The following ZZEF1 variants were observed in gnomAD, a reference collection of about 807,000 sequenced individuals.
ZZEF1 encodes zinc finger ZZ-type and EF-hand domain-containing protein 1.
A neutral mutation model predicts 342.8 loss-of-function variants in ZZEF1; 157 were observed. The observed-to-expected ratio is 0.46, with a 90% CI of 0.40 to 0.52. The LOEUF is 0.52. Ranked by LOEUF, ZZEF1 falls within the 20% of genes least tolerant of loss-of-function variation. The probability of loss-of-function intolerance (pLI) is 0.00; values close to 1 mark genes in which losing one functional copy is unlikely to be tolerated. For missense variants in ZZEF1, 3,480 were observed against 3,725.6 expected (o/e 0.93, Z 1.72); for synonymous variants, 1,505 against 1,429.1 (o/e 1.05, Z -1.20).
At chr17:4,047,121 G>C (rs1017764002) in intron 37 of ZZEF1, among the ~76,000 whole-genome samples, 1 of 152,142 alleles carries the variant, frequency 6.6e-6, no homozygotes, top group African/African-American at 2.4e-5. Flanking sequence ...TGGGTGGGAA[G>C]GGGACTCAAA....
chr17:4,120,858 C>T (rs962838153), intron 2 of ZZEF1, among the ~76,000 whole-genome samples: 1 of 152,152 alleles, frequency 6.6e-6, no homozygotes, highest in African/African-American at 2.4e-5. Flanking sequence ...TTAATTTAGC[C>T]TTCAGTAAAT....
rs1597852108 is a variant in ZZEF1 at position 4,074,343 on chromosome 17, G to A, written c.3492C>T (p.Thr1164=). The A allele has an allele frequency of 1.9e-6, 3 of 1,614,176 alleles. No homozygotes were observed. The highest frequency in any genetic ancestry group is 2.5e-6 in the Non-Finnish European group (3 of 1,180,040). ...VGTDKWPKKV[T]FKAGPRLQFL... The stretch of plus-strand genomic sequence containing the variant: ...ACTGCAACCGAGGACCGGCCTTGAA[G>A]GTCACTTTCTAGAGACAAACAGAAA... Residue 1164 remains threonine, a synonymous_variant, in exon 24 of 55, where the codon ACC becomes ACT. Transcript: ENST00000381638.
chr17:4,132,343 G>A (rs535529062), intron 1 of ZZEF1, among the ~76,000 whole-genome samples: 50 of 152,064 alleles, frequency 3.3e-4, no homozygotes, highest in African/African-American at 1.1e-3. Context: ...GCCACCATAC[G>A]TGGCTAATTT....
intron 39 of ZZEF1, among the ~76,000 whole-genome samples, chr17:4,040,390 T>G (rs1180450020): frequency 1.3e-5 from 2 of 151,904 alleles, no homozygotes; most frequent in Non-Finnish European, 2.9e-5. Context: ...AGAGGCAAAA[T>G]CCAAAAGATA....
intron 28 of ZZEF1, 27 bp from the exon 29 acceptor site, chr17:4,064,856 A>T: frequency 9.9e-7 from 1 of 1,012,126 alleles, no homozygotes; most frequent in Non-Finnish European, 1.3e-6. Flanking sequence ...ATCATAATTG[A>T]AAAAAAAAAA....
chr17:4,137,377 G>C (rs12452601), intron 1 of ZZEF1, among the ~76,000 whole-genome samples: 1 of 152,066 alleles, frequency 6.6e-6, no homozygotes, highest in East Asian at 1.9e-4. Flanking sequence ...TTGGGAGGCC[G>C]AGGTGGGCGG....
rs150315026 is a variant in ZZEF1, at chr17:4,094,133, A to G, written c.1913+1698T>C. Among the ~76,000 whole-genome samples the G allele has an allele frequency of 3.8e-3, 584 of 151,804 alleles. 5 individuals are homozygous for G. Among genetic ancestry groups the G allele is most frequent in the Non-Finnish European group, 4.8e-3 (323 of 67,906 alleles). On this transcript the variant is annotated intron_variant, in intron 11 of 54. Transcript: ENST00000381638. ...ACACTCTTGCAGAATGATCTCTTCC[A>G]CTTCTACATTTTATTTATTTATTTT...
intron 26 of ZZEF1, among the ~76,000 whole-genome samples, chr17:4,067,570 T>A (rs1330230002): frequency 6.6e-6 from 1 of 152,118 alleles, no homozygotes; most frequent in Non-Finnish European, 1.5e-5. Context: ...AAAGTATTTA[T>A]TGATATGGAA....
At chr17:4,080,097 C>A (rs2057694111) in intron 18 of ZZEF1, among the ~76,000 whole-genome samples, 1 of 152,102 alleles carries the variant, frequency 6.6e-6, no homozygotes, top group African/African-American at 2.4e-5. Context: ...GGTTCTTAAG[C>A]CCTATCCCTA....
chr17:4,043,882 C>T (rs555540161), intron 38 of ZZEF1, among the ~76,000 whole-genome samples: 12 of 152,354 alleles, frequency 7.9e-5, no homozygotes, highest in African/African-American at 2.6e-4. Flanking sequence ...ATTACAGTTA[C>T]CTGCACCTGT....
At chr17:4,062,252 A>G (rs2057301137) in intron 30 of ZZEF1, among the ~76,000 whole-genome samples, 2 of 151,926 alleles carry the variant, frequency 1.3e-5, no homozygotes, top group Non-Finnish European at 2.9e-5. Flanking sequence ...TAATCACCAC[A>G]TAACAATATC....
intron 21 of ZZEF1, 107 bp downstream of exon 21, chr17:4,076,530 G>A: frequency 3.5e-6 from 5 of 1,413,484 alleles, no homozygotes; most frequent in Non-Finnish European, 4.7e-6. Context: ...GAGCCTTCTA[G>A]AGGCTGCTCA....
chr17:4,036,035 G>A (rs1344741662), intron 39 of ZZEF1, among the ~76,000 whole-genome samples: 5 of 149,748 alleles, frequency 3.3e-5, no homozygotes, highest in Non-Finnish European at 7.4e-5. Context: ...GGGAGGCAGA[G>A]GTTGCAGTGA....
At chr17:4,077,137 G>T in intron 19 of ZZEF1, 148 bp from the exon 20 acceptor site, 1 of 646,976 alleles carries the variant, frequency 1.5e-6, no homozygotes, top group Non-Finnish European at 2.3e-6. Context: ...CCGTCCTAAT[G>T]CATTCCTCCT....
At chr17:4,059,947 T>C (rs1386934537) in intron 30 of ZZEF1, among the ~76,000 whole-genome samples, 1 of 152,228 alleles carries the variant, frequency 6.6e-6, no homozygotes, top group East Asian at 1.9e-4. Context: ...TTTTCTTCAA[T>C]ACCAGTGGGC....
At chr17:4,043,985 C>T (rs1009396197) in intron 38 of ZZEF1, among the ~76,000 whole-genome samples, 2 of 152,174 alleles carry the variant, frequency 1.3e-5, no homozygotes, top group African/African-American at 2.4e-5. Context: ...CAAGGTCTAG[C>T]ACTGTGTTTG....
At chr17:4,135,765 C>T (rs942080581) in intron 1 of ZZEF1, among the ~76,000 whole-genome samples, 1 of 152,108 alleles carries the variant, frequency 6.6e-6, no homozygotes. Context: ...CCATTCTTTC[C>T]ACCAGCTCTC....
rs116019878 is a variant in ZZEF1, at chr17:4,121,733, T to C, written c.499+2174A>G. 8.5e-3 allele frequency among the ~76,000 whole-genome samples: 1,287 copies of C among 152,274 alleles called. 16 individuals carry two copies. The highest frequency in any genetic ancestry group is 0.03 in the African/African-American group (1,227 of 41,538). Reference sequence around the variant, plus strand: ...AAGGAGAATGGAGATACACATTTTTTTTTTTTTTGAGACAGGGTCTCGCTC... The same window carrying C: ...AAGGAGAATGGAGATACACATTTTTCTTTTTTTTGAGACAGGGTCTCGCTC... On this transcript the variant is annotated intron_variant, in intron 2 of 54. Transcript: ENST00000381638.
Position 4,019,778 on chromosome 17 carries a change from C to G in ZZEF1, c.7405-9G>C, listed in dbSNP as rs778524992. On this transcript the variant is annotated splice_polypyrimidine_tract_variant and intron_variant, in intron 45 of 54. Transcript: ENST00000381638. Reference sequence around the variant, plus strand: ...AGGGCATCATGAGCCATCTGGAGGCCAGGGGAGGACGCAGACAAGAACCAT... The same window carrying G: ...AGGGCATCATGAGCCATCTGGAGGCGAGGGGAGGACGCAGACAAGAACCAT... 3.8e-6 allele frequency: 6 copies of G among 1,598,432 alleles called. No homozygotes were observed. Among genetic ancestry groups the G allele is most frequent in the Middle Eastern group, 1.7e-4 (1 of 6,022 alleles).
Sources: allele counts gnomAD v4.1 joint callset (sites outside exome capture counted in the v4.1 genomes callset), GRCh38; gene constraint gnomAD v4.1.1; transcripts MANE v1.5; gene names NCBI Gene and HGNC (gene_info 2026-07-23, HGNC 2026-07-21).